Variants in MACROD2 observed in about 807,000 individuals in gnomAD.
MACROD2 encodes ADP-ribose glycohydrolase MACROD2.
A neutral mutation model predicts 70.4 loss-of-function variants in MACROD2; 36 were observed. The ratio of observed to expected loss-of-function variants is 0.51; its 90% CI spans 0.39 to 0.68. The LOEUF (loss-of-function observed/expected upper bound fraction) is 0.68. MACROD2 is among the 30% of genes least tolerant of loss of function. The pLI, the probability that MACROD2 is intolerant of heterozygous loss-of-function variation, is 0.00. For missense variants in MACROD2, 496 were observed against 538.4 expected (o/e 0.92, Z 0.78); for synonymous variants, 172 against 178.8 (o/e 0.96, Z 0.30).
intron 4 of MACROD2, among the ~76,000 whole-genome samples, chr20:14,649,299 A>G (rs1239927224): frequency 2.0e-5 from 3 of 152,172 alleles, no homozygotes; most frequent in South Asian, 4.1e-4. Flanking sequence ...AGCACTAGTG[A>G]AACTAGTCTC....
intron 6 of MACROD2, among the ~76,000 whole-genome samples, chr20:15,414,937 T>C (rs1028246592): frequency 2.0e-5 from 3 of 152,200 alleles, no homozygotes; most frequent in African/African-American, 7.2e-5. Flanking sequence ...AATGATTGGA[T>C]ACACATTGGC....
At chr20:14,836,722 G>C (rs1247233109) in intron 5 of MACROD2, among the ~76,000 whole-genome samples, 1 of 152,078 alleles carries the variant, frequency 6.6e-6, no homozygotes, top group Non-Finnish European at 1.5e-5. Context: ...GAGGTCCATA[G>C]AGGCTTGTTA....
chr20:15,159,655 G>A (rs2076334119), intron 5 of MACROD2, among the ~76,000 whole-genome samples: 1 of 151,818 alleles, frequency 6.6e-6, no homozygotes, highest in South Asian at 2.1e-4. Context: ...ATGGGAGAAT[G>A]ATTTTTTTTC....
At chr20:14,630,191 C>G (rs1235827763) in intron 4 of MACROD2, among the ~76,000 whole-genome samples, 2 of 152,128 alleles carry the variant, frequency 1.3e-5, no homozygotes, top group African/African-American at 4.8e-5. Flanking sequence ...TGCCTTTCAA[C>G]AGTGTAAAAC....
chr20:14,191,616 G>A (rs2081388794), intron 3 of MACROD2, among the ~76,000 whole-genome samples: 1 of 152,178 alleles, frequency 6.6e-6, no homozygotes, highest in African/African-American at 2.4e-5. Flanking sequence ...GCAGAAAGTG[G>A]AGAAACTATT....
chr20:15,665,697 G>T (rs2049887549), intron 8 of MACROD2, among the ~76,000 whole-genome samples: 1 of 152,152 alleles, frequency 6.6e-6, no homozygotes, highest in Admixed American at 6.5e-5. Context: ...GAAGGAAGAT[G>T]GTGCATCAAG....
At chr20:14,235,917 AC>A (rs1203931006) in intron 3 of MACROD2, among the ~76,000 whole-genome samples, 5 of 9,150 alleles carry the variant, frequency 5.5e-4, no homozygotes, top group African/African-American at 1.0e-3. Context: ...GGAAAAACAT[AC>A]TTAATAGTAT....
intron 5 of MACROD2, among the ~76,000 whole-genome samples, chr20:15,153,596 C>G (rs1445235651): frequency 6.6e-6 from 1 of 152,050 alleles, no homozygotes; most frequent in Non-Finnish European, 1.5e-5. Flanking sequence ...TAAGATGATT[C>G]CACATGACAA....
chr20:14,100,215 A>G (rs1293877471), intron 3 of MACROD2, among the ~76,000 whole-genome samples: 1 of 151,956 alleles, frequency 6.6e-6, no homozygotes, highest in African/African-American at 2.4e-5. Context: ...CTACATTTGG[A>G]AAAAAAGGTA....
intron 3 of MACROD2, among the ~76,000 whole-genome samples, chr20:14,373,706 A>G (rs2083346966): frequency 6.6e-6 from 1 of 152,144 alleles, no homozygotes; most frequent in Admixed American, 6.6e-5. Context: ...TTGAAAATAG[A>G]AGTTCACAGT....
chr20:15,668,317 C>T (rs1441780509), intron 8 of MACROD2, among the ~76,000 whole-genome samples: 1 of 151,338 alleles, frequency 6.6e-6, no homozygotes, highest in East Asian at 1.9e-4. Flanking sequence ...TAATCAATCC[C>T]AGCATTTTGG....
At chr20:14,687,911 T>C (rs1226548299) in intron 5 of MACROD2, among the ~76,000 whole-genome samples, 1 of 152,228 alleles carries the variant, frequency 6.6e-6, no homozygotes, top group African/African-American at 2.4e-5. Context: ...TATGCCACTT[T>C]ATAATATTTC....
intron 8 of MACROD2, among the ~76,000 whole-genome samples, chr20:15,757,957 C>T (rs1318158792): frequency 6.6e-6 from 1 of 152,184 alleles, no homozygotes. Flanking sequence ...TAATGAGGTT[C>T]TGACTTTGTA....
chr20:15,915,100 T>C (rs1489601716), intron 10 of MACROD2, among the ~76,000 whole-genome samples: 3 of 152,186 alleles, frequency 2.0e-5, no homozygotes, highest in Admixed American at 2.0e-4. Context: ...GTTCTCCTAC[T>C]CCTGTTGTTT....
intron 3 of MACROD2, among the ~76,000 whole-genome samples, chr20:14,252,303 G>T (rs1161305350): frequency 6.6e-6 from 1 of 151,872 alleles, no homozygotes; most frequent in East Asian, 1.9e-4. Context: ...CCCAGTCACT[G>T]TTCCCCCCTA....
intron 7 of MACROD2, among the ~76,000 whole-genome samples, chr20:15,458,852 T>C (rs2046769791): frequency 6.6e-6 from 1 of 152,082 alleles, no homozygotes; most frequent in Non-Finnish European, 1.5e-5. Flanking sequence ...GAAGTACCCC[T>C]TCACCTGCAC....
At chr20:15,711,868 T>G (rs2050634382) in intron 8 of MACROD2, among the ~76,000 whole-genome samples, 2 of 152,158 alleles carry the variant, frequency 1.3e-5, no homozygotes, top group Non-Finnish European at 2.9e-5. Flanking sequence ...GCGACAGGGG[T>G]GGGCACCTGA....
At chr20:15,431,535 T>C in intron 7 of MACROD2, 100 bp downstream of exon 7, 1 of 1,155,276 alleles carries the variant, frequency 8.7e-7, no homozygotes, top group Non-Finnish European at 1.3e-6. Flanking sequence ...GAATATATTT[T>C]GCTGTGATTT....
chr20:14,816,720 T>G (rs1444329651), intron 5 of MACROD2, among the ~76,000 whole-genome samples: 1 of 152,016 alleles, frequency 6.6e-6, no homozygotes, highest in East Asian at 1.9e-4. Flanking sequence ...AGGAGAGGAA[T>G]TGCGGTGCAT....
Sources: allele counts gnomAD v4.1 joint callset (sites outside exome capture counted in the v4.1 genomes callset), GRCh38; gene constraint gnomAD v4.1.1; transcripts MANE v1.5; gene names NCBI Gene and HGNC (gene_info 2026-07-23, HGNC 2026-07-21).